PKP2: variants seen among roughly 807,000 people sequenced by gnomAD.
PKP2 encodes the protein plakophilin-2.
Under a neutral mutation model 83.4 loss-of-function variants are expected in PKP2, and 73 were observed. That is an observed-to-expected ratio of 0.88 (90% CI 0.72 to 1.06). The LOEUF (loss-of-function observed/expected upper bound fraction) is 1.06, where lower values mean the gene tolerates loss of function less well. Among genes scored for constraint, PKP2 ranks in the 50% least tolerant of loss-of-function variants. The pLI, the probability that PKP2 is intolerant of heterozygous loss-of-function variation, is 0.00. For missense variants in PKP2, 966 were observed against 1,065.4 expected, an observed-to-expected ratio of 0.91 and a Z score of 1.30; for synonymous variants, 409 against 430.4, an observed-to-expected ratio of 0.95 and a Z score of 0.62.
chr12:32,837,330 G>A (rs1377885630), intron 6 of PKP2, among the ~76,000 whole-genome samples: 1 of 152,152 alleles, frequency 6.6e-6, no homozygotes, highest in Admixed American at 6.6e-5. Flanking sequence ...CTAGCCATAT[G>A]ACTTTAGGAA....
intron 3 of PKP2, among the ~76,000 whole-genome samples, chr12:32,874,432 C>T (rs1956916955): frequency 1.3e-5 from 2 of 152,086 alleles, no homozygotes; most frequent in African/African-American, 4.8e-5. Context: ...CTCCTTTTCA[C>T]AGAGAGCCAA....
chr12:32,811,287 C>T (rs1430797648), intron 9 of PKP2, among the ~76,000 whole-genome samples: 1 of 152,218 alleles, frequency 6.6e-6, no homozygotes, highest in African/African-American at 2.4e-5. Context: ...CTGTTCTTGG[C>T]AGCCTTAATT....
At chr12:32,796,375 G>A in intron 10 of PKP2, 77 bp from the exon 11 acceptor site, 1 of 1,270,318 alleles carries the variant, frequency 7.9e-7, no homozygotes, top group East Asian at 2.5e-5. Flanking sequence ...TATATTTTGG[G>A]TGAAGAACAT....
chr12:32,796,071 A>T, intron 11 of PKP2, 38 bp downstream of exon 11: 1 of 1,554,322 alleles, frequency 6.4e-7, no homozygotes, highest in Non-Finnish European at 8.9e-7. Flanking sequence ...TGGTGAGGGG[A>T]AAGGGAGGCA....
In PKP2 at chr12:32,868,244, C is replaced by T. The variant is rs116892301; in HGVS notation, c.1170+683G>A. Among the ~76,000 whole-genome samples the T allele has an allele frequency of 2.9e-4, 44 of 152,286 alleles. No individual in the cohort carries two copies. In the East Asian group the frequency reaches 6.7e-3, roughly 23 times the overall value. On this transcript the variant is annotated intron_variant, in intron 4 of 12. Coordinates refer to ENST00000340811, the MANE Select transcript of PKP2 (RefSeq NM_001005242.3). ...GTTTTTTCTTCTTCAGGATGAGTCT[C>T]GCTCTGTCGCCCAGGCTGGAGTGCA...
In PKP2 at chr12:32,791,320, TAG is replaced by T. The variant is rs1956063578; in HGVS notation, c.*1102_*1103del. The T allele has an allele frequency of 6.6e-6, 1 of 152,234 alleles. No individual in the cohort carries two copies. Among genetic ancestry groups the T allele is most frequent in the South Asian group, 2.1e-4 (1 of 4,826 alleles). The allele number at this position is 152,234 out of a possible 1,614,324, so 9.4% of individuals were successfully genotyped here. On this transcript the variant is annotated 3_prime_UTR_variant, in exon 13 of 13. Coordinates refer to ENST00000340811, the MANE Select transcript of PKP2 (RefSeq NM_001005242.3). Reference sequence around the variant, plus strand: ...ACATGACTTCTTCACTTTTCTTCTCTAGAGTTTTCTTGAGTTAAAATAATGGC... The same window carrying T: ...ACATGACTTCTTCACTTTTCTTCTCTAGTTTTCTTGAGTTAAAATAATGGC...
intron 1 of PKP2, among the ~76,000 whole-genome samples, chr12:32,889,851 C>A (rs528620422): frequency 2.0e-5 from 3 of 151,982 alleles, no homozygotes; most frequent in South Asian, 2.1e-4. Context: ...GAGGCCGAGG[C>A]GGGTGGATCG....
chr12:32,851,323 GT>G (rs1040740304), intron 4 of PKP2, among the ~76,000 whole-genome samples: 5 of 151,938 alleles, frequency 3.3e-5, no homozygotes, highest in African/African-American at 4.8e-5. Context: ...AGTAAGGAGA[GT>G]TTTTTTTATT....
intron 6 of PKP2, among the ~76,000 whole-genome samples, chr12:32,838,366 T>G: frequency 6.6e-6 from 1 of 152,020 alleles, no homozygotes; most frequent in Non-Finnish European, 1.5e-5. Flanking sequence ...TGAAAATCCA[T>G]CTATTGGGTA....
intron 1 of PKP2, among the ~76,000 whole-genome samples, chr12:32,887,822 A>G (rs1957043421): frequency 6.6e-6 from 1 of 152,240 alleles, no homozygotes; most frequent in Non-Finnish European, 1.5e-5. Context: ...ATTTGTTATT[A>G]TAAACTGGTA....
intron 9 of PKP2, 111 bp from the exon 10 acceptor site, chr12:32,802,667 TATTTA>T: frequency 1.0e-6 from 1 of 989,074 alleles, no homozygotes; most frequent in Non-Finnish European, 1.6e-6. Flanking sequence ...TTATCTTATT[TATTTA>T]TTTTGAGACA....
intron 2 of PKP2, 26 bp from the exon 3 acceptor site, chr12:32,878,569 A>G (rs1591829121): frequency 6.4e-7 from 1 of 1,570,960 alleles, no homozygotes; most frequent in East Asian, 2.2e-5. Context: ...ATAAAGTTTA[A>G]AGGGGGCATA....
At chr12:32,814,481 C>T (rs761723755) in intron 9 of PKP2, among the ~76,000 whole-genome samples, 1 of 152,086 alleles carries the variant, frequency 6.6e-6, no homozygotes, top group Non-Finnish European at 1.5e-5. Context: ...CCCTGCTCTC[C>T]CTCCCTCCCT....
At chr12:32,813,029 T>C (rs1956290407) in intron 9 of PKP2, among the ~76,000 whole-genome samples, 2 of 152,206 alleles carry the variant, frequency 1.3e-5, no homozygotes, top group South Asian at 2.1e-4. Flanking sequence ...ATATCTTGAC[T>C]TCCAGGAGCT....
intron 4 of PKP2, among the ~76,000 whole-genome samples, chr12:32,855,771 C>T (rs376126650): frequency 2.0e-3 from 99 of 50,166 alleles, no homozygotes; most frequent in African/African-American, 0.014. Context: ...GAGACTCCAT[C>T]TCAAAAAAAA....
At chr12:32,819,867 C>T (rs1036378735) in intron 9 of PKP2, among the ~76,000 whole-genome samples, 2 of 111,806 alleles carry the variant, frequency 1.8e-5, no homozygotes, top group Non-Finnish European at 3.8e-5. Flanking sequence ...CTTACACACA[C>T]ACACACACGC....
chr12:32,883,111 C>T (rs550904040), intron 1 of PKP2, among the ~76,000 whole-genome samples: 5 of 152,176 alleles, frequency 3.3e-5, no homozygotes, highest in East Asian at 1.9e-4. Flanking sequence ...TTTAATGGTT[C>T]GCCAAATAAC....
At chr12:32,801,658 A>G (rs1184642910) in intron 10 of PKP2, among the ~76,000 whole-genome samples, 2 of 152,226 alleles carry the variant, frequency 1.3e-5, no homozygotes, top group African/African-American at 4.8e-5. Flanking sequence ...ACCGAATTTG[A>G]GTTGTTAGAA....
At chr12:32,797,144 T>C (rs1164968469) in intron 10 of PKP2, among the ~76,000 whole-genome samples, 1 of 152,018 alleles carries the variant, frequency 6.6e-6, no homozygotes, top group African/African-American at 2.4e-5. Context: ...ATATAAATAA[T>C]ACATAATATT....
Sources: allele counts gnomAD v4.1 joint callset (sites outside exome capture counted in the v4.1 genomes callset), GRCh38; gene constraint gnomAD v4.1.1; transcripts MANE v1.5; gene names NCBI Gene and HGNC (gene_info 2026-07-23, HGNC 2026-07-21).